The following KHDC4 variants were observed in gnomAD, a reference collection of about 807,000 sequenced individuals.
KHDC4 encodes the protein KH domain containing 4, pre-mRNA splicing factor, also known as KH homology domain-containing protein 4.
In KHDC4, 19 loss-of-function variants were observed where a neutral mutation model predicts 74.5. That is an observed-to-expected ratio of 0.26 (90% CI 0.18 to 0.37). KHDC4 has a LOEUF of 0.37. Ranked by LOEUF, KHDC4 falls within the 10% of genes least tolerant of loss-of-function variation. KHDC4 has a pLI of 1.00. For synonymous variants in KHDC4, 253 were observed against 266.1 expected, an observed-to-expected ratio of 0.95 and a Z score of 0.48; for missense variants, 632 against 754.1, an observed-to-expected ratio of 0.84 and a Z score of 1.90.
rs758415291 is a variant in KHDC4 at position 155,929,280 on chromosome 1, A to G, written c.464+16T>C. 24 of 1,592,102 alleles carry G rather than the reference A, an allele frequency of 1.5e-5. No homozygotes were observed. The highest frequency in any genetic ancestry group is 2.2e-5 in the East Asian group (1 of 44,774). Reference sequence around the variant, plus strand: ...TACACCCAACCCTTCCATAAACAAGATAAGAGAATACGCACCCTGGTCCCA... The same window carrying G: ...TACACCCAACCCTTCCATAAACAAGGTAAGAGAATACGCACCCTGGTCCCA... On this transcript the variant is annotated intron_variant, in intron 4 of 13. Coordinates refer to ENST00000368321, the MANE Select transcript of KHDC4 (RefSeq NM_014949.4).
intron 3 of KHDC4, 53 bp downstream of exon 3, chr1:155,929,659 C>G: frequency 6.3e-7 from 1 of 1,581,096 alleles, no homozygotes; most frequent in Non-Finnish European, 8.6e-7. Context: ...TAGAGGTCTT[C>G]TTTATCTGAA....
rs74571660 is a variant in KHDC4, at chr1:155,929,334, C to T, written c.426G>A (p.Arg142=). The T allele has an allele frequency of 1.1e-3, 1,747 of 1,614,000 alleles. 23 individuals are homozygous for T. The African/African-American group carries it at 0.02, about 18-fold the overall frequency. The stretch of plus-strand genomic sequence containing the variant: ...TGGCTTTTTCCTCAGTTGTCATGAA[C>T]CTCCCTCGAGTTGATACTGCAGCCC... The part of the protein sequence containing the change: ...LSGAAVSTRG[R]FMTTEEKAKV... The change falls in exon 4 of 14, where the codon AGG becomes AGA. Residue 142 remains arginine (R), a synonymous_variant. Coordinates refer to ENST00000368321, the MANE Select transcript of KHDC4 (RefSeq NM_014949.4).
At chr1:155,927,060 T>C in intron 5 of KHDC4, 44 bp downstream of exon 5, 2 of 1,566,054 alleles carry the variant, frequency 1.3e-6, no homozygotes, top group Middle Eastern at 1.7e-4. Flanking sequence ...CCCTGTACTT[T>C]GCTCTTCACA....
intron 4 of KHDC4, among the ~76,000 whole-genome samples, chr1:155,927,855 CACACACACACACACACACAA>C (rs1209856326): frequency 9.0e-4 from 42 of 46,580 alleles, no homozygotes; most frequent in East Asian, 6.2e-3. Context: ...CACACACACA[CACACACACACACACACACAA>C]AATTAATGGG....
intron 13 of KHDC4, chr1:155,915,577 G>T: frequency 2.6e-6 from 1 of 382,112 alleles, no homozygotes; most frequent in Non-Finnish European, 4.6e-6. Context: ...GTCTGATCTT[G>T]GCTCACTGCA....
intron 7 of KHDC4, among the ~76,000 whole-genome samples, chr1:155,924,871 G>GT (rs935178944): frequency 7.5e-4 from 109 of 144,616 alleles, no homozygotes; most frequent in African/African-American, 2.1e-3. Flanking sequence ...ACCGCACCTG[G>GT]TTTTTTTTTT....
At chr1:155,916,903 A>AT (rs3831284) in intron 11 of KHDC4, 166 bp from the exon 12 acceptor site, 9,797 of 443,978 alleles carry the variant, frequency 0.022, 32 homozygotes, top group African/African-American at 0.04. Context: ...AAAAGTAGGG[A>AT]TTTTTTTTTT....
intron 11 of KHDC4, 122 bp downstream of exon 11, chr1:155,917,377 A>G: frequency 1.1e-6 from 1 of 896,532 alleles, no homozygotes; most frequent in Non-Finnish European, 1.8e-6. Context: ...AAACCTAACC[A>G]AAATGAATTC....
chr1:155,925,503 C>CTTATAATTA (rs1673970134), intron 7 of KHDC4, 129 bp downstream of exon 7: 2 of 728,780 alleles, frequency 2.7e-6, no homozygotes, highest in African/African-American at 3.5e-5. Flanking sequence ...AGTAATTACT[C>CTTATAATTA]CTAGCATTTA....
intron 3 of KHDC4, 57 bp from the exon 4 acceptor site, chr1:155,929,432 G>T: frequency 7.3e-7 from 1 of 1,378,740 alleles, no homozygotes; most frequent in Non-Finnish European, 1.0e-6. Context: ...TTCAATGGCA[G>T]ACAGATTTTC....
At chr1:155,925,154 G>A (rs1487222550) in intron 7 of KHDC4, among the ~76,000 whole-genome samples, 2 of 151,256 alleles carry the variant, frequency 1.3e-5, no homozygotes, top group Non-Finnish European at 2.9e-5. Flanking sequence ...AGCCTCCTGA[G>A]TAGCTGGGAC....
At chr1:155,922,027 T>A in intron 8 of KHDC4, 109 bp from the exon 9 acceptor site, 1 of 652,888 alleles carries the variant, frequency 1.5e-6, no homozygotes, top group Non-Finnish European at 2.7e-6. Context: ...AAAATATATC[T>A]ACCAATGTTC....
chr1:155,929,145 G>C (rs1674089967), intron 4 of KHDC4, 151 bp downstream of exon 4: 1 of 537,678 alleles, frequency 1.9e-6, no homozygotes, highest in Non-Finnish European at 3.3e-6. Flanking sequence ...GTATCTGTTT[G>C]ATATCCAGAA....
chr1:155,929,603 A>G (rs1350001526), intron 3 of KHDC4, 109 bp downstream of exon 3: 1 of 1,274,466 alleles, frequency 7.8e-7, no homozygotes, highest in Non-Finnish European at 1.1e-6. Context: ...CTGACTTTAG[A>G]GACTATGACC....
Position 155,913,998 on chromosome 1 carries a change from AATCTCT to A in KHDC4, c.*117_*122del. ...ACCCCTTTAAGAAAGGGGGGCACTG[AATCTCT>A]AACTTCTGCAAAGGTCCAGATGGTT... On this transcript the variant is annotated 3_prime_UTR_variant, in exon 14 of 14. Transcript: ENST00000368321. 1 of 771,950 alleles carries A rather than the reference AATCTCT, an allele frequency of 1.3e-6. No homozygotes were observed. Among genetic ancestry groups the A allele is most frequent in the Non-Finnish European group, 2.1e-6 (1 of 467,502 alleles). The allele number at this position is 771,950 out of a possible 1,614,324, so 47.8% of individuals were successfully genotyped here. A position where few individuals can be genotyped will look rare whatever the true frequency, so the allele number is the denominator to read the frequency against.
intron 10 of KHDC4, 141 bp downstream of exon 10, chr1:155,921,234 G>T (rs1673855952): frequency 1.1e-6 from 1 of 911,264 alleles, no homozygotes; most frequent in Non-Finnish European, 1.7e-6. Flanking sequence ...TATTCAGGTA[G>T]GTTGGTGGTA....
At chr1:155,926,379 G>A in intron 6 of KHDC4, 1 of 395,088 alleles carries the variant, frequency 2.5e-6, no homozygotes, top group Admixed American at 4.1e-5. Flanking sequence ...GCCCAGGCTG[G>A]AGTGCAGTGG....
intron 2 of KHDC4, among the ~76,000 whole-genome samples, chr1:155,931,874 T>C (rs1471350878): frequency 2.0e-5 from 3 of 152,190 alleles, no homozygotes; most frequent in African/African-American, 2.4e-5. Context: ...ATTTACATTA[T>C]CATCTCAATG....
At chr1:155,914,808 G>C (rs1394527187) in intron 13 of KHDC4, 2 of 154,970 alleles carry the variant, frequency 1.3e-5, no homozygotes, top group Non-Finnish European at 2.9e-5. Context: ...GACCAATAGA[G>C]TTATAAGGGG....
Sources: gnomAD v4.1 joint callset for allele counts (sites outside exome capture counted in the v4.1 genomes callset) on GRCh38, gnomAD v4.1.1 for gene constraint, MANE v1.5 for transcripts, NCBI Gene and HGNC (gene_info 2026-07-23, HGNC 2026-07-21) for gene names.